The following CASK variants were observed in gnomAD, a reference collection of about 807,000 sequenced individuals.
CASK encodes peripheral plasma membrane protein CASK.
Under a neutral mutation model 82.9 loss-of-function variants are expected in CASK, and 4 were observed. The observed-to-expected ratio is 0.05, with a 90% CI of 0.02 to 0.11. CASK has a LOEUF of 0.11. Among genes scored for constraint, CASK ranks in the 10% least tolerant of loss-of-function variants. The probability of loss-of-function intolerance (pLI) is 1.00; values close to 1 mark genes in which losing one functional copy is unlikely to be tolerated. For missense variants in CASK, 358 were observed against 720.9 expected (o/e 0.50, Z 5.76); for synonymous variants, 259 against 253.5 (o/e 1.02, Z -0.20).
At chrX:41,633,617 A>AGCTC (rs1569355499) in intron 9 of CASK, among the ~76,000 whole-genome samples, 1 of 107,579 alleles carries the variant, frequency 9.3e-6, no homozygotes, top group Non-Finnish European at 1.9e-5. Context: ...TTTTTTTTTA[A>AGCTC]TGAAGTATTA....
intron 5 of CASK, among the ~76,000 whole-genome samples, chrX:41,718,121 AC>A (rs2068094479): frequency 8.9e-6 from 1 of 112,021 alleles, no homozygotes; most frequent in Non-Finnish European, 1.9e-5. Context: ...TCCCCATAAA[AC>A]CCCAAAATGA....
chrX:41,879,855 C>G (rs2071913642), intron 1 of CASK, among the ~76,000 whole-genome samples: 1 of 111,914 alleles, frequency 8.9e-6, no homozygotes, highest in African/African-American at 3.2e-5. Context: ...ATTTTTTGAA[C>G]AGGTAAAAAT....
At chrX:41,921,591 T>C (rs1256297235) in intron 1 of CASK, among the ~76,000 whole-genome samples, 3 of 111,362 alleles carry the variant, frequency 2.7e-5, no homozygotes, top group Non-Finnish European at 5.6e-5. Context: ...TTTGGATACT[T>C]TCCTTTTAAG....
At chrX:41,647,263 T>C (rs1209276283) in intron 8 of CASK, among the ~76,000 whole-genome samples, 1 of 112,553 alleles carries the variant, frequency 8.9e-6, no homozygotes, top group East Asian at 2.8e-4. Flanking sequence ...CATCACCCCG[T>C]ATTCCTATAA....
At chrX:41,793,218 G>A (rs1569450860) in intron 2 of CASK, among the ~76,000 whole-genome samples, 1 of 111,302 alleles carries the variant, frequency 9.0e-6, no homozygotes, top group Non-Finnish European at 1.9e-5. Flanking sequence ...TGACATACAT[G>A]TACATATACA....
intron 1 of CASK, among the ~76,000 whole-genome samples, chrX:41,916,895 T>G (rs1003920576): frequency 3.6e-5 from 4 of 111,887 alleles, no homozygotes; most frequent in African/African-American, 1.3e-4. Context: ...CCAAAACAAA[T>G]TATATTTTGG....
At chrX:41,765,096 TTCTC>T (rs2069085679) in intron 3 of CASK, among the ~76,000 whole-genome samples, 1 of 112,252 alleles carries the variant, frequency 8.9e-6, no homozygotes, top group Non-Finnish European at 1.9e-5. Context: ...ACAAATGACC[TTCTC>T]TCTATTTCTG....
At chrX:41,695,205 C>T (rs2067658803) in intron 5 of CASK, among the ~76,000 whole-genome samples, 1 of 111,608 alleles carries the variant, frequency 9.0e-6, no homozygotes, top group Non-Finnish European at 1.9e-5. Flanking sequence ...AGATACCACA[C>T]TATGTGCTGC....
chrX:41,633,405 A>C (rs1430076874), intron 9 of CASK, among the ~76,000 whole-genome samples: 4 of 110,635 alleles, frequency 3.6e-5, no homozygotes, highest in Non-Finnish European at 7.6e-5. Flanking sequence ...AGTAGATGAC[A>C]GCCAGGGTTA....
intron 26 of CASK, among the ~76,000 whole-genome samples, chrX:41,521,988 A>G (rs765313257): frequency 8.9e-6 from 1 of 112,002 alleles, no homozygotes; most frequent in African/African-American, 3.2e-5. Context: ...CAAGAGACTG[A>G]GCAATTCTTC....
At chrX:41,842,300 A>T (rs922207732) in intron 2 of CASK, among the ~76,000 whole-genome samples, 1 of 111,295 alleles carries the variant, frequency 9.0e-6, no homozygotes, top group African/African-American at 3.3e-5. Flanking sequence ...GGCCAGGCGC[A>T]GTGGCTCATG....
At chrX:41,682,055 TAAAA>T (rs35914567) in intron 5 of CASK, among the ~76,000 whole-genome samples, 2 of 67,785 alleles carry the variant, frequency 3.0e-5, no homozygotes, top group Admixed American at 3.9e-4. Flanking sequence ...AGGACCATTG[TAAAA>T]AAAAAAAAAA....
At chrX:41,846,614 T>C (rs1258070657) in intron 2 of CASK, among the ~76,000 whole-genome samples, 2 of 112,048 alleles carry the variant, frequency 1.8e-5, no homozygotes, top group Admixed American at 1.9e-4. Context: ...CTGGATTGTT[T>C]GTAACACAAA....
At chrX:41,576,126 C>A (rs1300902911) in intron 15 of CASK, among the ~76,000 whole-genome samples, 1 of 109,763 alleles carries the variant, frequency 9.1e-6, no homozygotes, top group East Asian at 2.9e-4. Context: ...AGGCACCCAC[C>A]ACCACACCTG....
chrX:41,790,813 C>A (rs999930035), intron 2 of CASK, among the ~76,000 whole-genome samples: 1 of 112,051 alleles, frequency 8.9e-6, no homozygotes, highest in South Asian at 3.7e-4. Context: ...ATAGATTCCA[C>A]GAATATTAAA....
chrX:41,655,364 T>A (rs1207384744), intron 8 of CASK, among the ~76,000 whole-genome samples: 1 of 110,122 alleles, frequency 9.1e-6, no homozygotes, highest in African/African-American at 3.3e-5. Flanking sequence ...TGACAACCAC[T>A]AGGACTTTGC....
chrX:41,521,382 G>GA (rs915335615), intron 26 of CASK, among the ~76,000 whole-genome samples: 25 of 111,750 alleles, frequency 2.2e-4, no homozygotes, highest in Non-Finnish European at 4.3e-4. Flanking sequence ...TATCTCTTAT[G>GA]AAAAAAACAG....
At chrX:41,804,993 G>A (rs183272303) in intron 2 of CASK, among the ~76,000 whole-genome samples, 18 of 111,925 alleles carry the variant, frequency 1.6e-4, no homozygotes, top group Admixed American at 1.0e-3. Context: ...CTACTTTAAC[G>A]TAAGCACTCA....
chrX:41,534,525 T>C (rs761141052), intron 24 of CASK, among the ~76,000 whole-genome samples, 181 bp downstream of exon 24: 2 of 110,436 alleles, frequency 1.8e-5, no homozygotes, highest in East Asian at 5.7e-4. Context: ...ATAGCACTTA[T>C]TATAGGGAAA....
Sources: gnomAD v4.1 joint callset for allele counts (sites outside exome capture counted in the v4.1 genomes callset) on GRCh38, gnomAD v4.1.1 for gene constraint, MANE v1.5 for transcripts, NCBI Gene and HGNC (gene_info 2026-07-23, HGNC 2026-07-21) for gene names.